DLC1: variants seen among roughly 807,000 people sequenced by gnomAD.
DLC1 encodes DLC1 Rho GTPase activating protein, also known as rho GTPase-activating protein 7.
Under a neutral mutation model 140.3 loss-of-function variants are expected in DLC1, and 54 were observed. The ratio of observed to expected loss-of-function variants is 0.38; its 90% CI spans 0.31 to 0.48. The LOEUF (loss-of-function observed/expected upper bound fraction) is 0.48, where lower values mean the gene tolerates loss of function less well. Ranked by LOEUF, DLC1 falls within the 20% of genes least tolerant of loss-of-function variation. DLC1 has a pLI of 0.96. For missense variants in DLC1, 2,536 were observed against 1,907.0 expected, an observed-to-expected ratio of 1.33 and a Z score of -6.14; for synonymous variants, 986 against 728.1, an observed-to-expected ratio of 1.35 and a Z score of -5.70.
Position 13,319,821 on chromosome 8 carries a change from C to CTTTTT in DLC1, c.1315-14524_1315-14520dup, listed in dbSNP as rs57585674. On this transcript the variant is annotated intron_variant, in intron 4 of 17. Transcript: ENST00000276297. The stretch of plus-strand genomic sequence containing the variant: ...AACCATTGTTTAATTCTCTCTCTCT[C>CTTTTT]TTTTTTTTTTTTTTTTTTTGAGATG... Among the ~76,000 whole-genome samples, 53 of 88,984 alleles carry CTTTTT rather than the reference C, an allele frequency of 6.0e-4. 2 individuals are homozygous for CTTTTT. Among genetic ancestry groups the CTTTTT allele is most frequent in the South Asian group, 1.5e-3 (3 of 2,042 alleles). 58.4% of individuals were successfully genotyped at this position (88,984 alleles called of 152,430 possible).
chr8:13,168,571 G>C (rs943478329), intron 5 of DLC1, among the ~76,000 whole-genome samples: 1 of 152,200 alleles, frequency 6.6e-6, no homozygotes, highest in East Asian at 1.9e-4. Context: ...TCAGGAAAGG[G>C]AGTGGAAAGG....
At chr8:13,436,077 A>G (rs1839111271) in intron 2 of DLC1, among the ~76,000 whole-genome samples, 1 of 152,254 alleles carries the variant, frequency 6.6e-6, no homozygotes, top group Non-Finnish European at 1.5e-5. Flanking sequence ...ATACTTGACT[A>G]CAGTATAGTG....
intron 4 of DLC1, among the ~76,000 whole-genome samples, chr8:13,358,241 A>G (rs1042942607): frequency 1.3e-5 from 2 of 152,238 alleles, no homozygotes; most frequent in African/African-American, 4.8e-5. Flanking sequence ...CCATCCTACA[A>G]ACACGCATAA....
At chr8:13,455,087 G>T (rs769942053) in intron 2 of DLC1, among the ~76,000 whole-genome samples, 1 of 152,020 alleles carries the variant, frequency 6.6e-6, no homozygotes, top group Non-Finnish European at 1.5e-5. Flanking sequence ...TAGATAAGAG[G>T]TGTGAAATGA....
chr8:13,422,851 C>G (rs1838380805), intron 2 of DLC1, among the ~76,000 whole-genome samples: 1 of 150,698 alleles, frequency 6.6e-6, no homozygotes, highest in South Asian at 2.1e-4. Context: ...TTAAAGCAAA[C>G]AAAACAAAAA....
chr8:13,480,098 A>G (rs1257664169), intron 2 of DLC1, among the ~76,000 whole-genome samples: 1 of 152,178 alleles, frequency 6.6e-6, no homozygotes, highest in Non-Finnish European at 1.5e-5. Context: ...TTTACAAAAG[A>G]CAGACATCAG....
At chr8:13,147,242 A>G (rs1466910387) in intron 5 of DLC1, among the ~76,000 whole-genome samples, 4 of 152,142 alleles carry the variant, frequency 2.6e-5, no homozygotes. Flanking sequence ...CTCACCCAAA[A>G]CTCTGACCTA....
intron 1 of DLC1, among the ~76,000 whole-genome samples, chr8:13,501,265 T>A (rs1801802438): frequency 6.6e-6 from 1 of 152,128 alleles, no homozygotes; most frequent in Admixed American, 6.5e-5. Context: ...AAGCTTAGAA[T>A]ACAAACACAT....
At chr8:13,270,964 G>C (rs1219901184) in intron 5 of DLC1, among the ~76,000 whole-genome samples, 2 of 152,154 alleles carry the variant, frequency 1.3e-5, no homozygotes, top group South Asian at 2.1e-4. Context: ...GTATTGGCAA[G>C]GAATGCTGAC....
At chr8:13,265,454 T>C (rs1341787005) in intron 5 of DLC1, among the ~76,000 whole-genome samples, 1 of 152,150 alleles carries the variant, frequency 6.6e-6, no homozygotes, top group Non-Finnish European at 1.5e-5. Flanking sequence ...AAATACTTTA[T>C]GCAGCAAAGT....
chr8:13,094,150 T>A (rs1187435413), intron 12 of DLC1, among the ~76,000 whole-genome samples: 1 of 152,196 alleles, frequency 6.6e-6, no homozygotes, highest in East Asian at 1.9e-4. Flanking sequence ...TACCTGATCT[T>A]TATCTGACCA....
At chr8:13,456,921 C>A (rs1799416517) in intron 2 of DLC1, among the ~76,000 whole-genome samples, 1 of 152,188 alleles carries the variant, frequency 6.6e-6, no homozygotes, top group South Asian at 2.1e-4. Context: ...ATTAAATCGG[C>A]AGGGTTATCA....
At chr8:13,437,958 A>G (rs1159416377) in intron 2 of DLC1, among the ~76,000 whole-genome samples, 1 of 151,770 alleles carries the variant, frequency 6.6e-6, no homozygotes, top group East Asian at 1.9e-4. Context: ...AAAAATTGAG[A>G]AGGTTATAAG....
rs144283917 is a variant in DLC1, at chr8:13,401,592, G to A, written c.1051C>T (p.Arg351Trp). The A allele has an allele frequency of 1.4e-4, 227 of 1,613,680 alleles. No individual in the cohort carries two copies. In the East Asian group the frequency reaches 1.5e-3, roughly 11 times the overall value. The change falls in exon 3 of 18, where the codon CGG (arginine) becomes TGG (tryptophan). Residue 351 changes from arginine to tryptophan, a missense_variant. Coordinates refer to ENST00000276297, the MANE Select transcript of DLC1 (RefSeq NM_182643.3). ...ATCAGCAGCACCATGGAGTCCAGCC[G>A]CGCCCTATCTCGATCTTCTCTTATT... ...KEIREDRDRA[R>W]LDSMVLLIMK...
intron 1 of DLC1, among the ~76,000 whole-genome samples, chr8:13,553,844 C>G (rs1167267919): frequency 1.3e-5 from 2 of 152,120 alleles, no homozygotes; most frequent in African/African-American, 4.8e-5. Flanking sequence ...TAATTCTTAG[C>G]CCTTATCTTA....
rs901965772 is a variant in DLC1 at position 13,494,376 on chromosome 8, C to T, written c.1023+4673G>A. 5.9e-5 allele frequency among the ~76,000 whole-genome samples: 9 copies of T among 152,250 alleles called. No individual in the cohort carries two copies. The South Asian group carries it at 1.7e-3, about 28-fold the overall frequency. On this transcript the variant is annotated intron_variant, in intron 2 of 17. Coordinates refer to ENST00000276297, the MANE Select transcript of DLC1 (RefSeq NM_182643.3). ...TTTATTGCTAGATATGCCCATGCAA[C>T]TAAATTCTAGCCCATGAAATTGCAG...
At chr8:13,261,064 T>A (rs569439155) in intron 5 of DLC1, among the ~76,000 whole-genome samples, 5 of 152,330 alleles carry the variant, frequency 3.3e-5, no homozygotes, top group African/African-American at 1.2e-4. Flanking sequence ...ACTAGGAATA[T>A]GAAGATGCAC....
At chr8:13,547,461 A>G (rs1257755844) in intron 1 of DLC1, among the ~76,000 whole-genome samples, 2 of 152,060 alleles carry the variant, frequency 1.3e-5, no homozygotes, top group Non-Finnish European at 2.9e-5. Context: ...AACACAGTCT[A>G]TAACCAGAAA....
chr8:13,561,345 A>C (rs1804236451), intron 1 of DLC1, among the ~76,000 whole-genome samples: 1 of 151,944 alleles, frequency 6.6e-6, no homozygotes, highest in African/African-American at 2.4e-5. Context: ...TAAGTTTTTC[A>C]TTTTGTAGAA....
Sources: gnomAD v4.1 joint callset for allele counts (sites outside exome capture counted in the v4.1 genomes callset) on GRCh38, gnomAD v4.1.1 for gene constraint, MANE v1.5 for transcripts, NCBI Gene and HGNC (gene_info 2026-07-23, HGNC 2026-07-21) for gene names.